IPO5: variants seen among roughly 807,000 people sequenced by gnomAD.
The protein encoded by IPO5 is importin-5.
In IPO5, 18 loss-of-function variants were observed where a neutral mutation model predicts 143.3. The observed-to-expected ratio is 0.13, with a 90% CI of 0.09 to 0.19. The LOEUF is 0.19. Ranked by LOEUF, IPO5 falls within the 10% of genes least tolerant of loss-of-function variation. The probability of loss-of-function intolerance (pLI) is 1.00; values close to 1 mark genes in which losing one functional copy is unlikely to be tolerated. For missense variants in IPO5, 1,013 were observed against 1,336.9 expected (o/e 0.76, Z 3.78); for synonymous variants, 477 against 465.7 (o/e 1.02, Z -0.31).
At chr13:97,977,490 T>A (rs1886476824) in intron 4 of IPO5, among the ~76,000 whole-genome samples, 1 of 152,168 alleles carries the variant, frequency 6.6e-6, no homozygotes, top group African/African-American at 2.4e-5. Context: ...TTTTCTTTGC[T>A]CTCTAGAGAA....
rs746335867 is a variant in IPO5 at position 97,976,743 on chromosome 13, G to C, written c.47G>C (p.Gly16Ala). The change falls in exon 4 of 29, where the codon GGA becomes GCA. Residue 16 changes from glycine (G) to alanine (A), a missense_variant. Transcript: ENST00000651721. ...CAGCAACAGTTCTACCTGCTCCTGG[G>C]AAACCTGCTCAGCCCCGACAATGTG... ...AEQQQFYLLL[G>A]NLLSPDNVVR... is the part of the protein sequence containing the mutation. The C allele has an allele frequency of 3.5e-6, 5 of 1,417,184 alleles. No homozygotes were observed. The South Asian group carries it at 3.6e-5, about 10-fold the overall frequency. The allele number at this position is 1,417,184 out of a possible 1,614,324, so 87.8% of individuals were successfully genotyped here.
chr13:97,958,380 A>G (rs749149176), intron 2 of IPO5, among the ~76,000 whole-genome samples: 4 of 152,064 alleles, frequency 2.6e-5, no homozygotes, highest in Non-Finnish European at 4.4e-5. Context: ...TAATAGCATC[A>G]TCAGTTGCTC....
intron 3 of IPO5, among the ~76,000 whole-genome samples, chr13:97,972,549 G>A (rs1160458579): frequency 3.3e-5 from 5 of 152,130 alleles, no homozygotes; most frequent in Non-Finnish European, 5.9e-5. Context: ...CACCCTTTTC[G>A]TAAAGGGTTG....
At chr13:97,979,392 G>T (rs1008679642) in intron 4 of IPO5, among the ~76,000 whole-genome samples, 1 of 152,136 alleles carries the variant, frequency 6.6e-6, no homozygotes, top group Non-Finnish European at 1.5e-5. Context: ...ATGCCATTTA[G>T]TAGGCTTTAT....
At position 98,022,850 on chromosome 13, in the gene IPO5, C is replaced by T. The variant is rs1025267736; in HGVS notation, c.*1028C>T. 6.6e-6 allele frequency: 1 copy of T among 152,594 alleles called. No homozygotes were observed. The highest frequency in any genetic ancestry group is 1.9e-4 in the East Asian group (1 of 5,196). 9.5% of individuals were successfully genotyped at this position (152,594 alleles called of 1,614,324 possible). ...GAACTTTTAATTATAAGTGTTATGG[C>T]TAAAGTTATTTACTGAAAATTTCAG... On this transcript the variant is annotated 3_prime_UTR_variant, in exon 29 of 29. Transcript: ENST00000651721.
chr13:97,976,838 T>G, intron 4 of IPO5, 52 bp downstream of exon 4: 1 of 775,814 alleles, frequency 1.3e-6, no homozygotes, highest in Non-Finnish European at 1.8e-6. Flanking sequence ...GCGCCGACCC[T>G]TTACCGACGC....
chr13:98,014,344 C>T (rs1889947185), intron 22 of IPO5, 130 bp downstream of exon 22: 5 of 602,758 alleles, frequency 8.3e-6, no homozygotes, highest in South Asian at 4.5e-5. Context: ...GTGGCGCAAT[C>T]GCAGCTCACT....
intron 17 of IPO5, among the ~76,000 whole-genome samples, chr13:98,006,755 G>C (rs1047820806): frequency 1.3e-5 from 2 of 151,782 alleles, no homozygotes; most frequent in Non-Finnish European, 2.9e-5. Context: ...TTTTCCTTCT[G>C]AAAAATGGTT....
In IPO5 at chr13:98,022,662, T is replaced by G. The variant is rs554987515; in HGVS notation, c.*840T>G. ...ATCGAGTTTTTACCATCTTCCACTT[T>G]AAGCTAAGTTATGATACCTATTCCA... On this transcript the variant is annotated 3_prime_UTR_variant, in exon 29 of 29. Transcript: ENST00000651721. The G allele has an allele frequency of 1.3e-5, 2 of 152,372 alleles. No homozygotes were observed. Among genetic ancestry groups the G allele is most frequent in the East Asian group, 1.9e-4 (1 of 5,188 alleles). The allele number at this position is 152,372 out of a possible 1,614,324, so 9.4% of individuals were successfully genotyped here.
At chr13:97,970,352 G>A (rs559018017) in intron 3 of IPO5, among the ~76,000 whole-genome samples, 3 of 152,134 alleles carry the variant, frequency 2.0e-5, no homozygotes, top group Non-Finnish European at 4.4e-5. Flanking sequence ...CAGGCTCAGT[G>A]GCTCACGCCT....
chr13:98,003,378 T>A (rs1436407617), intron 16 of IPO5, among the ~76,000 whole-genome samples: 10 of 152,090 alleles, frequency 6.6e-5, no homozygotes, highest in African/African-American at 9.7e-5. Flanking sequence ...AATTATCATA[T>A]GGTAAAAAAT....
intron 11 of IPO5, among the ~76,000 whole-genome samples, chr13:97,996,759 C>T (rs764852709): frequency 6.6e-6 from 1 of 152,084 alleles, no homozygotes; most frequent in Non-Finnish European, 1.5e-5. Context: ...CTCGCCACCA[C>T]ACCCGGCTAA....
intron 20 of IPO5, among the ~76,000 whole-genome samples, chr13:98,012,009 ACAATAAT>A: frequency 6.6e-6 from 1 of 151,900 alleles, no homozygotes; most frequent in South Asian, 2.1e-4. Flanking sequence ...AATATATACG[ACAATAAT>A]TTCCTTTTTT....
intron 18 of IPO5, among the ~76,000 whole-genome samples, chr13:98,008,494 G>A (rs577339091): frequency 6.6e-6 from 1 of 152,246 alleles, no homozygotes; most frequent in South Asian, 2.1e-4. Flanking sequence ...TATCCAACAT[G>A]TAATAGACAT....
intron 11 of IPO5, among the ~76,000 whole-genome samples, chr13:97,997,251 T>C (rs1419489377): frequency 6.6e-6 from 1 of 152,238 alleles, no homozygotes; most frequent in Non-Finnish European, 1.5e-5. Context: ...GAGAAACATT[T>C]GTGATGTTGC....
chr13:97,980,318 G>A (rs1425437098), intron 4 of IPO5, among the ~76,000 whole-genome samples: 9 of 152,152 alleles, frequency 5.9e-5, no homozygotes, highest in Non-Finnish European at 1.3e-4. Context: ...CACATGGAGA[G>A]AACCCTCTCT....
chr13:98,004,881 TTTTATTTTATTTTA>T (rs1889085417), intron 16 of IPO5, among the ~76,000 whole-genome samples: 1 of 151,492 alleles, frequency 6.6e-6, no homozygotes, highest in African/African-American at 2.4e-5. Flanking sequence ...TAATATTTTA[TTTTATTTTATTTTA>T]TTTATTTATT....
intron 12 of IPO5, among the ~76,000 whole-genome samples, chr13:97,997,970 T>C (rs1419598705): frequency 6.6e-6 from 1 of 152,168 alleles, no homozygotes; most frequent in Non-Finnish European, 1.5e-5. Flanking sequence ...GCAAATAAAG[T>C]AGCTATGTTT....
In IPO5 at chr13:98,012,335, C is replaced by T; in HGVS notation, c.2145C>T (p.Phe715=). ...TGGTCCCTTTACTGAAATTTTATTTCCACGATGATATCCTACAACTTCTGA... is the reference window on the plus strand; with the variant it reads ...TGGTCCCTTTACTGAAATTTTATTTTCACGATGATATCCTACAACTTCTGA... ...KLMVPLLKFY[F]HDGVRVAAAE... The change falls in exon 21 of 29, where the codon TTC becomes TTT. Residue 715 remains phenylalanine (F), a synonymous_variant. Coordinates refer to ENST00000651721, the MANE Select transcript of IPO5 (RefSeq NM_002271.6). The T allele has an allele frequency of 6.4e-7, 1 of 1,568,210 alleles. No homozygotes were observed. Among genetic ancestry groups the T allele is most frequent in the South Asian group, 1.1e-5 (1 of 90,214 alleles).
Sources: allele counts gnomAD v4.1 joint callset (sites outside exome capture counted in the v4.1 genomes callset), GRCh38; gene constraint gnomAD v4.1.1; transcripts MANE v1.5; gene names NCBI Gene and HGNC (gene_info 2026-07-23, HGNC 2026-07-21).